ST18: variants seen among roughly 807,000 people sequenced by gnomAD.
The protein encoded by ST18 is suppression of tumorigenicity 18 protein.
ST18 carries 50 observed loss-of-function variants against 110.0 expected under a neutral mutation model. That is an observed-to-expected ratio of 0.45 (90% confidence interval 0.36 to 0.58). The LOEUF (loss-of-function observed/expected upper bound fraction) is 0.58, where lower values mean the gene tolerates loss of function less well. Ranked by LOEUF, ST18 falls within the 20% of genes least tolerant of loss-of-function variation. The pLI is 0.00. For synonymous variants in ST18, 461 were observed against 452.4 expected, an observed-to-expected ratio of 1.02 and a Z score of -0.24; for missense variants, 1,306 against 1,280.1, an observed-to-expected ratio of 1.02 and a Z score of -0.31.
At chr8:52,180,062 A>G in intron 9 of ST18, 60 bp downstream of exon 9, 2 of 1,553,052 alleles carry the variant, frequency 1.3e-6, no homozygotes, top group Non-Finnish European at 1.8e-6. Flanking sequence ...CTCTACATGA[A>G]TTAGCACAGA....
intron 2 of ST18, among the ~76,000 whole-genome samples, chr8:52,341,647 T>C (rs1815075328): frequency 6.6e-6 from 1 of 152,228 alleles, no homozygotes; most frequent in African/African-American, 2.4e-5. Flanking sequence ...TTTTAAATTA[T>C]CCCCAAAAAG....
chr8:52,314,219 A>G (rs1241000973), intron 2 of ST18, among the ~76,000 whole-genome samples: 1 of 152,050 alleles, frequency 6.6e-6, no homozygotes, highest in African/African-American at 2.4e-5. Flanking sequence ...CAACACTCCT[A>G]ATTGAGAACC....
chr8:52,171,531 A>G (rs1407306479), intron 10 of ST18: 1 of 556,984 alleles, frequency 1.8e-6, no homozygotes, highest in Admixed American at 2.3e-5. Context: ...ATGCATTTAT[A>G]AAAAACAGTT....
At chr8:52,375,294 T>G (rs1264649697) in intron 2 of ST18, among the ~76,000 whole-genome samples, 1 of 152,124 alleles carries the variant, frequency 6.6e-6, no homozygotes, top group East Asian at 1.9e-4. Flanking sequence ...TGCTCCCCTT[T>G]GCAAGAAAAA....
intron 2 of ST18, among the ~76,000 whole-genome samples, chr8:52,328,291 T>A (rs1288456070): frequency 6.6e-6 from 1 of 152,220 alleles, no homozygotes; most frequent in African/African-American, 2.4e-5. Flanking sequence ...AGGGTGGTCT[T>A]GGCCATAACT....
At chr8:52,212,164 C>A in intron 7 of ST18, 55 bp from the exon 8 acceptor site, 1 of 1,548,708 alleles carries the variant, frequency 6.5e-7, no homozygotes, top group Non-Finnish European at 8.7e-7. Flanking sequence ...ATTTTCAAAA[C>A]TGTATAATGG....
chr8:52,199,154 T>C (rs2077141696), intron 8 of ST18: 1 of 151,888 alleles, frequency 6.6e-6, no homozygotes, highest in South Asian at 2.1e-4. Context: ...TTCAGGTTAT[T>C]ATACAACTGC....
chr8:52,143,506 A>AT (rs1164042898), intron 16 of ST18, among the ~76,000 whole-genome samples: 1 of 152,204 alleles, frequency 6.6e-6, no homozygotes, highest in Non-Finnish European at 1.5e-5. Context: ...AAGAAAAGAA[A>AT]TAAATGAGAT....
At chr8:52,130,110 G>GA (rs1261984807) in intron 22 of ST18, among the ~76,000 whole-genome samples, 190 of 82,176 alleles carry the variant, frequency 2.3e-3, no homozygotes, top group South Asian at 0.011. Flanking sequence ...AAGAAAGAAA[G>GA]AAAGAAAGAA....
At chr8:52,295,467 G>A (rs1463897869) in intron 2 of ST18, among the ~76,000 whole-genome samples, 6 of 151,892 alleles carry the variant, frequency 4.0e-5, no homozygotes, top group South Asian at 4.2e-4. Context: ...AATGACCTTC[G>A]AAATTCAGAT....
intron 2 of ST18, among the ~76,000 whole-genome samples, chr8:52,243,363 A>C (rs181374563): frequency 4.1e-4 from 62 of 152,288 alleles, no homozygotes; most frequent in Middle Eastern, 3.4e-3. Context: ...CTTCATCAGG[A>C]TCTTTCAACT....
chr8:52,208,966 A>G (rs780284621), intron 8 of ST18, among the ~76,000 whole-genome samples: 4 of 152,240 alleles, frequency 2.6e-5, no homozygotes. Context: ...CATTAAATAA[A>G]AATAGGTGAA....
In ST18 at chr8:52,346,214, A is replaced by G. The variant is rs568050237; in HGVS notation, c.-465+63114T>C. On this transcript the variant is annotated intron_variant, in intron 2 of 25. Coordinates refer to ENST00000689386, the MANE Select transcript of ST18 (RefSeq NM_001352837.2). ...TTACACTTTAAGTTAAAAGTTTTAA[A>G]CGAAAATAAGAGGACTCTCTGAAAA... is the stretch of plus-strand genomic sequence containing the variant. 2.7e-4 allele frequency among the ~76,000 whole-genome samples: 41 copies of G among 151,308 alleles called. No individual in the cohort carries two copies. In the South Asian group the frequency reaches 7.9e-3, roughly 29 times the overall value.
chr8:52,163,552 G>A (rs2061996352), intron 13 of ST18, among the ~76,000 whole-genome samples: 1 of 152,104 alleles, frequency 6.6e-6, no homozygotes, highest in Admixed American at 6.5e-5. Flanking sequence ...TACATTATAT[G>A]TGTTTGTGGA....
chr8:52,177,899 C>T (rs140898887), intron 9 of ST18, among the ~76,000 whole-genome samples: 102 of 152,258 alleles, frequency 6.7e-4, no homozygotes, highest in African/African-American at 2.2e-3. Context: ...ATATCATTTA[C>T]GTGTCTGGAA....
At chr8:52,161,622 C>T (rs1222489389) in intron 13 of ST18, 54 bp from the exon 14 acceptor site, 1 of 1,575,666 alleles carries the variant, frequency 6.3e-7, no homozygotes, top group Non-Finnish European at 8.7e-7. Context: ...TACTGGTGAG[C>T]ACATTAGTGT....
intron 2 of ST18, among the ~76,000 whole-genome samples, chr8:52,372,534 C>A (rs115706106): frequency 6.6e-4 from 101 of 152,372 alleles, no homozygotes; most frequent in African/African-American, 2.1e-3. Context: ...CCCAGAGCAA[C>A]TTCCATCCTG....
chr8:52,354,767 A>G (rs1373857811), intron 2 of ST18, among the ~76,000 whole-genome samples: 1 of 152,176 alleles, frequency 6.6e-6, no homozygotes, highest in African/African-American at 2.4e-5. Flanking sequence ...GAAGAAGTTG[A>G]GCAAGAAAGA....
intron 8 of ST18, among the ~76,000 whole-genome samples, chr8:52,182,433 G>T (rs2070138499): frequency 6.6e-6 from 1 of 152,148 alleles, no homozygotes; most frequent in Admixed American, 6.5e-5. Flanking sequence ...GATATGTGGT[G>T]CATACATACA....
Sources: allele counts gnomAD v4.1 joint callset (sites outside exome capture counted in the v4.1 genomes callset), GRCh38; gene constraint gnomAD v4.1.1; transcripts MANE v1.5; gene names NCBI Gene and HGNC (gene_info 2026-07-23, HGNC 2026-07-21).